The following CASZ1 variants were observed in gnomAD, a reference collection of about 807,000 sequenced individuals.
CASZ1 encodes the protein zinc finger protein castor homolog 1.
CASZ1 carries 28 observed loss-of-function variants against 135.2 expected under a neutral mutation model. The observed-to-expected ratio is 0.21, with a 90% CI of 0.15 to 0.28. The LOEUF (loss-of-function observed/expected upper bound fraction) is 0.28. CASZ1 is among the 10% of genes least tolerant of loss of function. CASZ1 has a pLI of 1.00. For missense variants in CASZ1, 2,161 were observed against 2,453.3 expected, an observed-to-expected ratio of 0.88 and a Z score of 2.52; for synonymous variants, 1,068 against 1,073.4, an observed-to-expected ratio of 0.99 and a Z score of 0.10.
chr1:10,693,497 C>CAAAAAAAA lies in CASZ1; in HGVS notation c.16+369_16+376dup, dbSNP rs1172496673. 9.0e-4 allele frequency among the ~76,000 whole-genome samples: 21 copies of CAAAAAAAA among 23,286 alleles called. 5 individuals carry two copies. Among genetic ancestry groups the CAAAAAAAA allele is most frequent in the African/African-American group, 3.8e-3 (21 of 5,586 alleles). 15.3% of individuals were successfully genotyped at this position (23,286 alleles called of 152,430 possible). On this transcript the variant is annotated intron_variant, in intron 4 of 20. Transcript: ENST00000377022. ...GACACACAAAGATCTTTGCAGAGAA[C>CAAAAAAAA]AAAAAAAAAAAAAAAAAAAAAAAAA... is the stretch of plus-strand genomic sequence containing the variant.
intron 20 of CASZ1, 32 bp from the exon 21 acceptor site, chr1:10,640,091 AG>A: frequency 6.3e-7 from 1 of 1,578,404 alleles, no homozygotes. Flanking sequence ...AGTGCAGAAG[AG>A]GGACCCACGT....
In CASZ1 at chr1:10,650,736, C is replaced by A. The variant is rs756491128; in HGVS notation, c.2836G>T (p.Ala946Ser). 6.2e-7 allele frequency: 1 copy of A among 1,614,116 alleles called. No individual in the cohort carries two copies. Among genetic ancestry groups the A allele is most frequent in the Non-Finnish European group, 8.5e-7 (1 of 1,179,928 alleles). The change falls in exon 13 of 21, where the codon GCA becomes TCA. Residue 946 changes from alanine (A) to serine (S), a missense_variant. This residue lies in a region of CASZ1 where 406 missense variants were observed against 387.6 expected (regional missense o/e 1.05). Coordinates refer to ENST00000377022, the MANE Select transcript of CASZ1 (RefSeq NM_001079843.3). ...AAAAGAGATGAATTTGCCGGGACTG[C>A]GTGGCCATTTGATTCGTTGCTAGAA... ...KEPSNESNGH[A>S]VPANSSLLSS...
chr1:10,752,798 G>A (rs1449362673), intron 2 of CASZ1, among the ~76,000 whole-genome samples: 2 of 152,250 alleles, frequency 1.3e-5, no homozygotes, highest in Non-Finnish European at 2.9e-5. Flanking sequence ...CACTTTGGGA[G>A]GCCAAGGTGG....
At chr1:10,683,710 C>A (rs1475104201) in intron 4 of CASZ1, among the ~76,000 whole-genome samples, 1 of 152,164 alleles carries the variant, frequency 6.6e-6, no homozygotes, top group Non-Finnish European at 1.5e-5. Context: ...CACCTGCAAC[C>A]CTCCCCTGCG....
At position 10,741,136 on chromosome 1, in the gene CASZ1, T is replaced by G. The variant is rs1363112881; in HGVS notation, c.-77+19565A>C. On this transcript the variant is annotated intron_variant, in intron 2 of 20. Coordinates refer to ENST00000377022, the MANE Select transcript of CASZ1 (RefSeq NM_001079843.3). This position sits in a 1 kb window ranked among gnomAD's most constrained non-coding sequence, Gnocchi z 5.0. ...GCCTCCCAAGCTGGGATTAGAGGCA[T>G]GTACCTCCAATAATTTTTGTATTTT... Among the ~76,000 whole-genome samples, 6 of 152,020 alleles carry G rather than the reference T, an allele frequency of 3.9e-5. No individual in the cohort carries two copies. Among genetic ancestry groups the G allele is most frequent in the African/African-American group, 1.2e-4 (5 of 41,386 alleles).
rs763990103 is a variant in CASZ1, at chr1:10,649,310, G to C, written c.3008C>G (p.Ala1003Gly). 3 of 1,596,672 alleles carry C rather than the reference G, an allele frequency of 1.9e-6. No homozygotes were observed. Among genetic ancestry groups the C allele is most frequent in the Admixed American group, 3.5e-5 (2 of 57,340 alleles). Residue 1003 changes from alanine (A) to glycine (G), a missense_variant, in exon 14 of 21, where the codon GCA becomes GGA. Ala to Gly is a moderately conservative substitution (Grantham distance 60, BLOSUM62 0). Transcript: ENST00000377022. ...AVKALVQEKLAEPWKVYLRRF... is the reference protein window; with the variant it reads ...AVKALVQEKLGEPWKVYLRRF... ...GCGCAGGTACACCTTCCAGGGCTCT[G>C]CCAACTTCTCCTGAACCAGCGCCTT...
intron 2 of CASZ1, among the ~76,000 whole-genome samples, chr1:10,743,142 A>C (rs1387990591): frequency 1.3e-5 from 2 of 152,118 alleles, no homozygotes; most frequent in Non-Finnish European, 2.9e-5. Context: ...AAGCTCAGGC[A>C]GGGCACTAGA....
chr1:10,707,529 G>A lies in CASZ1; in HGVS notation c.-76-1985C>T, dbSNP rs1239885791. ...GGAGGAAACTTTCCAGGAGTTGGTC[G>A]GGGGTGGAGGAGGGAGGGGAGGGCC... On this transcript the variant is annotated intron_variant, in intron 2 of 20. Transcript: ENST00000377022. The surrounding 1 kb of genome is among the most constrained non-coding windows in gnomAD (Gnocchi z 5.0). Among the ~76,000 whole-genome samples the A allele has an allele frequency of 1.3e-5, 2 of 152,120 alleles. No individual in the cohort carries two copies. Among genetic ancestry groups the A allele is most frequent in the African/African-American group, 4.8e-5 (2 of 41,412 alleles).
chr1:10,763,074 C>T (rs1171282403), intron 1 of CASZ1, among the ~76,000 whole-genome samples: 2 of 152,208 alleles, frequency 1.3e-5, no homozygotes, highest in Non-Finnish European at 2.9e-5. Flanking sequence ...CAGGGCGTGG[C>T]CTTGCTCCAG....
chr1:10,678,509 G>A (rs1189553452), intron 4 of CASZ1, among the ~76,000 whole-genome samples: 5 of 152,194 alleles, frequency 3.3e-5, no homozygotes, highest in Admixed American at 6.5e-5. Context: ...GGGGGCCCGA[G>A]GCCGGGGCTG....
chr1:10,743,510 G>C (rs906436495), intron 2 of CASZ1, among the ~76,000 whole-genome samples: 5 of 151,510 alleles, frequency 3.3e-5, no homozygotes, highest in African/African-American at 1.2e-4. Context: ...AGGGGGATGG[G>C]CTGGGGGCCG....
chr1:10,687,763 C>A (rs928344306), intron 4 of CASZ1, among the ~76,000 whole-genome samples: 1 of 152,188 alleles, frequency 6.6e-6, no homozygotes, highest in Non-Finnish European at 1.5e-5. Context: ...AGCAGACTGA[C>A]GTCCCAGTCC....
rs1054538680 is a variant in CASZ1, at chr1:10,756,458, G to C, written c.-77+4243C>G. Among the ~76,000 whole-genome samples, 1 of 152,256 alleles carries C rather than the reference G, an allele frequency of 6.6e-6. No homozygotes were observed. The highest frequency in any genetic ancestry group is 2.4e-5 in the African/African-American group (1 of 41,476). ...AAGTGCTCACGCGAGCCCGGCAGCC[G>C]GCTGTGACAGCTTCACGCTCGCCAA... On this transcript the variant is annotated intron_variant, in intron 2 of 20. Coordinates refer to ENST00000377022, the MANE Select transcript of CASZ1 (RefSeq NM_001079843.3). This position sits in a 1 kb window ranked among gnomAD's most constrained non-coding sequence, Gnocchi z 5.9.
intron 4 of CASZ1, among the ~76,000 whole-genome samples, chr1:10,692,539 T>C (rs1638800984): frequency 6.6e-6 from 1 of 152,178 alleles, no homozygotes; most frequent in Admixed American, 6.5e-5. Flanking sequence ...TAGACACCTT[T>C]ACCACTTTGC....
chr1:10,639,021 C>A lies in CASZ1; in HGVS notation c.5201G>T (p.Gly1734Val). The change falls in exon 21 of 21, where the codon GGC becomes GTC. Residue 1734 changes from glycine (G) to valine (V), a missense_variant. Around this residue, in one of 7 missense-constraint regions of CASZ1, gnomAD observed 185 missense variants for 134.7 expected, o/e 1.37. Coordinates refer to ENST00000377022, the MANE Select transcript of CASZ1 (RefSeq NM_001079843.3). The surrounding 1 kb of genome is among the most constrained non-coding windows in gnomAD (Gnocchi z 4.0). ...PEAAAEAAGA[G>V]ARTPALAALA... is the part of the protein sequence containing the mutation. ...CGCCGCCAAGGCCGGGGTCCGCGCG[C>A]CCGCGCCCGCCGCCTCCGCCGCCGC... The A allele has an allele frequency of 9.9e-7, 1 of 1,011,620 alleles. No individual in the cohort carries two copies. 62.7% of individuals were successfully genotyped at this position (1,011,620 alleles called of 1,614,324 possible).
chr1:10,641,948 G>C (rs1403503365), intron 20 of CASZ1: 1 of 152,636 alleles, frequency 6.6e-6, no homozygotes, highest in Non-Finnish European at 1.5e-5. Context: ...CTGCAGAAAA[G>C]GGTCAGGCCC....
At position 10,776,590 on chromosome 1, in the gene CASZ1, T is replaced by C. The variant is rs1480303031; in HGVS notation, c.-233-15733A>G. On this transcript the variant is annotated intron_variant, in intron 1 of 20. Coordinates refer to ENST00000377022, the MANE Select transcript of CASZ1 (RefSeq NM_001079843.3). This position sits in a 1 kb window ranked among gnomAD's most constrained non-coding sequence, Gnocchi z 4.1. ...TGCATGGGGCATGGGTTGGGGGCAC[T>C]GCCCACCGAGCCTGCAAAGGCTCTC... Among the ~76,000 whole-genome samples, 1 of 152,070 alleles carries C rather than the reference T, an allele frequency of 6.6e-6. No homozygotes were observed. Among genetic ancestry groups the C allele is most frequent in the Non-Finnish European group, 1.5e-5 (1 of 67,936 alleles).
rs548712494 is a variant in CASZ1 at position 10,657,029 on chromosome 1, G to A, written c.1410-293C>T. On this transcript the variant is annotated intron_variant, in intron 7 of 20. Coordinates refer to ENST00000377022, the MANE Select transcript of CASZ1 (RefSeq NM_001079843.3). The surrounding 1 kb of genome is among the most constrained non-coding windows in gnomAD (Gnocchi z 5.7). The stretch of plus-strand genomic sequence containing the variant: ...TGGAAGGGAAGGCAGGCGCCCCCTC[G>A]GCTGCCCACCTGTCTTTTCTGCAGG... 1.7e-4 allele frequency among the ~76,000 whole-genome samples: 26 copies of A among 152,252 alleles called. No homozygotes were observed. Among genetic ancestry groups the A allele is most frequent in the Middle Eastern group, 3.4e-3 (1 of 294 alleles).
chr1:10,667,716 A>G (rs12567769), intron 4 of CASZ1, among the ~76,000 whole-genome samples: 14,061 of 152,158 alleles, frequency 0.092, 1,131 homozygotes, highest in African/African-American at 0.21. Flanking sequence ...GATGGCAGAC[A>G]GCAAATGAAT....
Sources: allele counts gnomAD v4.1 joint callset (sites outside exome capture counted in the v4.1 genomes callset), GRCh38; gene constraint gnomAD v4.1.1; regional missense constraint gnomAD v4.1.1; non-coding constraint Gnocchi (gnomAD v3.1); transcripts MANE v1.5; gene names NCBI Gene and HGNC (gene_info 2026-07-23, HGNC 2026-07-21).